Variants in IQCM observed in about 807,000 individuals in gnomAD.
The protein encoded by IQCM is IQ domain-containing protein M.
In IQCM, 45 loss-of-function variants were observed where a neutral mutation model predicts 57.6. That is an observed-to-expected ratio of 0.78 (90% confidence interval 0.62 to 1.00). IQCM has a LOEUF of 1.00. Among genes scored for constraint, IQCM ranks in the 50% least tolerant of loss-of-function variants. The pLI, the probability that IQCM is intolerant of heterozygous loss-of-function variation, is 0.00. For missense variants in IQCM, 468 were observed against 511.6 expected (o/e 0.91, Z 0.82); for synonymous variants, 148 against 158.9 (o/e 0.93, Z 0.51).
intron 2 of IQCM, among the ~76,000 whole-genome samples, chr4:149,746,148 C>T (rs1194441158): frequency 1.3e-5 from 2 of 152,056 alleles, no homozygotes; most frequent in African/African-American, 2.4e-5. Context: ...AAATGGAAGT[C>T]CTCATTTACT....
At chr4:149,442,691 C>G (rs907032421) in intron 12 of IQCM, among the ~76,000 whole-genome samples, 4 of 151,902 alleles carry the variant, frequency 2.6e-5, no homozygotes. Context: ...TAGATATTCT[C>G]TAAGGTAATT....
At chr4:149,553,958 C>G (rs1375200749) in intron 10 of IQCM, among the ~76,000 whole-genome samples, 1 of 152,030 alleles carries the variant, frequency 6.6e-6, no homozygotes, top group African/African-American at 2.4e-5. Context: ...GAGCCATTCC[C>G]TTTTAGTTAA....
At chr4:149,508,943 G>T (rs570412966) in intron 12 of IQCM, among the ~76,000 whole-genome samples, 1 of 152,276 alleles carries the variant, frequency 6.6e-6, no homozygotes, top group South Asian at 2.1e-4. Flanking sequence ...CAGGAGATCG[G>T]ATGGTTTTAA....
At chr4:149,516,361 A>G (rs192048513) in intron 12 of IQCM, among the ~76,000 whole-genome samples, 31 of 152,264 alleles carry the variant, frequency 2.0e-4, no homozygotes, top group African/African-American at 6.7e-4. Flanking sequence ...TACAACCATC[A>G]TGGTATTCCA....
At chr4:149,362,063 G>A (rs1729532344) in intron 13 of IQCM, among the ~76,000 whole-genome samples, 1 of 152,122 alleles carries the variant, frequency 6.6e-6, no homozygotes, top group African/African-American at 2.4e-5. Context: ...GATAATTTTG[G>A]AGCTTTAAAA....
In IQCM at chr4:149,408,700, TAG is replaced by T. The variant is rs1292563797; in HGVS notation, c.1390+24694_1390+24695del. Among the ~76,000 whole-genome samples, 20 of 152,308 alleles carry T rather than the reference TAG, an allele frequency of 1.3e-4. No homozygotes were observed. In the South Asian group the frequency reaches 4.1e-3, roughly 32 times the overall value. ...TATGTGTACACATATCATTGAATAT[TAG>T]GTTATAAAAGGTAAAAAAAATTATC... On this transcript the variant is annotated intron_variant, in intron 13 of 13. Transcript: ENST00000636793.
chr4:149,635,566 A>G (rs1192020628), intron 7 of IQCM, among the ~76,000 whole-genome samples: 1 of 152,242 alleles, frequency 6.6e-6, no homozygotes, highest in African/African-American at 2.4e-5. Flanking sequence ...TTCATTTCAA[A>G]GTTTCCAATT....
At chr4:149,437,580 C>G (rs2111304591) in intron 12 of IQCM, among the ~76,000 whole-genome samples, 1 of 152,134 alleles carries the variant, frequency 6.6e-6, no homozygotes, top group African/African-American at 2.4e-5. Context: ...CCTTCCCTTC[C>G]TCTCCCAAAC....
chr4:149,616,242 C>T (rs905188752), intron 8 of IQCM, among the ~76,000 whole-genome samples: 7 of 152,062 alleles, frequency 4.6e-5, no homozygotes, highest in Admixed American at 1.3e-4. Context: ...GTAGTATATA[C>T]ATACAATGGA....
At chr4:149,635,806 C>A (rs1354896679) in intron 7 of IQCM, among the ~76,000 whole-genome samples, 1 of 151,992 alleles carries the variant, frequency 6.6e-6, no homozygotes, top group Non-Finnish European at 1.5e-5. Flanking sequence ...ACTCATAGTT[C>A]ATTATTCTAT....
intron 10 of IQCM, among the ~76,000 whole-genome samples, chr4:149,554,793 G>A (rs564387927): frequency 6.6e-6 from 1 of 151,436 alleles, no homozygotes; most frequent in Admixed American, 6.6e-5. Flanking sequence ...TCCACCTCCC[G>A]GGTTCACGCC....
intron 2 of IQCM, among the ~76,000 whole-genome samples, chr4:149,771,456 A>G (rs1474392463): frequency 2.0e-5 from 3 of 152,126 alleles, no homozygotes; most frequent in Admixed American, 6.5e-5. Context: ...TAATTTATTC[A>G]CTTAGATTAT....
chr4:149,780,531 T>TTATATATATATATATATATATATATATA (rs371081838), intron 2 of IQCM, among the ~76,000 whole-genome samples: 1 of 138,170 alleles, frequency 7.2e-6, no homozygotes, highest in African/African-American at 2.5e-5. Flanking sequence ...AATATGTAAG[T>TTATATATATATATATATATATATATATA]TATATATATA....
At chr4:149,738,488 C>T (rs1370875622) in intron 3 of IQCM, among the ~76,000 whole-genome samples, 1 of 152,144 alleles carries the variant, frequency 6.6e-6, no homozygotes, top group Non-Finnish European at 1.5e-5. Context: ...TCCACAAGTG[C>T]CACCCATCAC....
chr4:149,481,707 T>TTG (rs1740872623), intron 12 of IQCM, among the ~76,000 whole-genome samples: 1 of 136,454 alleles, frequency 7.3e-6, no homozygotes, highest in African/African-American at 2.7e-5. Flanking sequence ...TTTTGTTTTT[T>TTG]TTTTTTTTTT....
At chr4:149,693,832 C>A (rs1763116312) in intron 5 of IQCM, among the ~76,000 whole-genome samples, 1 of 152,048 alleles carries the variant, frequency 6.6e-6, no homozygotes, top group South Asian at 2.1e-4. Flanking sequence ...TTATTTAATT[C>A]TTAGGAGCAA....
chr4:149,801,484 G>T (rs570524332), intron 2 of IQCM, among the ~76,000 whole-genome samples: 1 of 152,050 alleles, frequency 6.6e-6, no homozygotes, highest in South Asian at 2.1e-4. Context: ...AGATTTGGAA[G>T]CAACTTAAGT....
chr4:149,477,935 A>G (rs1178023256), intron 12 of IQCM, among the ~76,000 whole-genome samples: 31 of 150,266 alleles, frequency 2.1e-4, no homozygotes, highest in Non-Finnish European at 4.6e-4. Context: ...CATGGATTCA[A>G]ATTCTGACTC....
chr4:149,466,927 G>C (rs1351752092), intron 12 of IQCM, among the ~76,000 whole-genome samples: 1 of 152,116 alleles, frequency 6.6e-6, no homozygotes, highest in Non-Finnish European at 1.5e-5. Context: ...CCTCCCTCCA[G>C]CTTCTTTTCT....
Sources: allele counts gnomAD v4.1 joint callset (sites outside exome capture counted in the v4.1 genomes callset), GRCh38; gene constraint gnomAD v4.1.1; transcripts MANE v1.5; gene names NCBI Gene and HGNC (gene_info 2026-07-23, HGNC 2026-07-21).